LNPK: variants seen among roughly 807,000 people sequenced by gnomAD.
LNPK encodes endoplasmic reticulum junction formation protein lunapark.
Under a neutral mutation model 55.2 loss-of-function variants are expected in LNPK, and 29 were observed. The observed-to-expected ratio is 0.53, with a 90% CI of 0.39 to 0.72. The LOEUF (loss-of-function observed/expected upper bound fraction) is 0.72. Among genes scored for constraint, LNPK ranks in the 30% least tolerant of loss-of-function variants. LNPK has a pLI of 0.00. For missense variants in LNPK, 467 were observed against 494.8 expected, an observed-to-expected ratio of 0.94 and a Z score of 0.53; for synonymous variants, 162 against 168.2, an observed-to-expected ratio of 0.96 and a Z score of 0.29.
chr2:175,971,081 G>A (rs1686641589), intron 5 of LNPK, among the ~76,000 whole-genome samples: 1 of 151,958 alleles, frequency 6.6e-6, no homozygotes, highest in Admixed American at 6.6e-5. Flanking sequence ...TTTTTAATGT[G>A]TTCAGAAACA....
At chr2:175,990,699 T>C (rs1216958959) in intron 4 of LNPK, among the ~76,000 whole-genome samples, 3 of 152,196 alleles carry the variant, frequency 2.0e-5, no homozygotes, top group African/African-American at 4.8e-5. Flanking sequence ...TTGATTGTCA[T>C]TGATCAGAAG....
chr2:175,986,644 T>C (rs565718005), intron 4 of LNPK, among the ~76,000 whole-genome samples: 76 of 152,230 alleles, frequency 5.0e-4, no homozygotes, highest in Non-Finnish European at 8.8e-4. Context: ...AATGATTCAA[T>C]ATTTAATATA....
intron 12 of LNPK, 122 bp downstream of exon 12, chr2:175,937,222 G>C (rs1298297301): frequency 1.1e-6 from 1 of 895,274 alleles, no homozygotes; most frequent in Non-Finnish European, 1.7e-6. Flanking sequence ...CAGAGCCGTA[G>C]TTGACATATG....
intron 11 of LNPK, 42 bp downstream of exon 11, chr2:175,938,271 T>C: frequency 8.3e-7 from 1 of 1,205,570 alleles, no homozygotes; most frequent in South Asian, 1.3e-5. Flanking sequence ...ATAAAATATT[T>C]AAGCATAAAA....
intron 4 of LNPK, among the ~76,000 whole-genome samples, chr2:175,981,770 CTG>C (rs1434599477): frequency 1.3e-5 from 2 of 152,136 alleles, no homozygotes; most frequent in Non-Finnish European, 2.9e-5. Flanking sequence ...CTTGAGATGA[CTG>C]TGGCCCCTAC....
intron 4 of LNPK, among the ~76,000 whole-genome samples, chr2:175,990,629 G>A (rs1687660623): frequency 6.6e-6 from 1 of 152,122 alleles, no homozygotes; most frequent in Non-Finnish European, 1.5e-5. Flanking sequence ...AATGTCCTGT[G>A]TTAAGTCTTC....
In LNPK at chr2:175,995,572, A is replaced by G. The variant is rs376647514; in HGVS notation, c.13T>C (p.Phe5Leu). The G allele has an allele frequency of 6.2e-7, 1 of 1,610,976 alleles. No individual in the cohort carries two copies. MGGLFSRWRTKPSTV... is the reference protein window; with the variant it reads MGGLLSRWRTKPSTV... ...AAGTACCTTACCCTCCATCGAGAAA[A>G]TAATCCACCCATCTTTTATTTGTAG... The change falls in exon 2 of 13, where the codon TTT (phenylalanine) becomes CTT (leucine). Residue 5 changes from phenylalanine (F) to leucine (L), a missense_variant. Coordinates refer to ENST00000272748, the MANE Select transcript of LNPK (RefSeq NM_030650.3).
At chr2:175,971,154 T>G (rs922873599) in intron 5 of LNPK, among the ~76,000 whole-genome samples, 2 of 152,158 alleles carry the variant, frequency 1.3e-5, no homozygotes, top group African/African-American at 4.8e-5. Context: ...AAAATTAGTA[T>G]CAAATCTCTT....
At chr2:175,933,718 A>G (rs994331370) in intron 12 of LNPK, among the ~76,000 whole-genome samples, 2 of 146,932 alleles carry the variant, frequency 1.4e-5, no homozygotes, top group African/African-American at 5.0e-5. Context: ...CAAATCAATT[A>G]GACAAGTTAA....
chr2:175,937,483 G>A lies in LNPK; in HGVS notation c.915C>T (p.Asn305=). ...AFRCAYCFFL[N]PARKTRPQAP... ...CCTGAGGTCTGGTTTTTCTTGCAGGGTTCAAGAAAAAACAGTAGGCACATC... is the reference window on the plus strand; with the variant it reads ...CCTGAGGTCTGGTTTTTCTTGCAGGATTCAAGAAAAAACAGTAGGCACATC... Residue 305 remains asparagine (N), a synonymous_variant, in exon 12 of 13, where the codon AAC becomes AAT. Coordinates refer to ENST00000272748, the MANE Select transcript of LNPK (RefSeq NM_030650.3). The A allele has an allele frequency of 6.2e-7, 1 of 1,612,468 alleles. No individual in the cohort carries two copies. Among genetic ancestry groups the A allele is most frequent in the Non-Finnish European group, 8.5e-7 (1 of 1,179,266 alleles).
chr2:175,931,875 G>A (rs1684295394), intron 12 of LNPK, among the ~76,000 whole-genome samples: 1 of 152,144 alleles, frequency 6.6e-6, no homozygotes, highest in South Asian at 2.1e-4. Flanking sequence ...GAAAACTTCA[G>A]GAGTCACCAA....
In LNPK at chr2:175,941,184, G is replaced by A. The variant is rs1684821563; in HGVS notation, c.707-1527C>T. The A allele has an allele frequency of 9.7e-6, 3 of 310,096 alleles. No individual in the cohort carries two copies. The Admixed American group carries it at 1.4e-4, about 14-fold the overall frequency. The allele number at this position is 310,096 out of a possible 1,614,324, so 19.2% of individuals were successfully genotyped here. A position where few individuals can be genotyped will look rare whatever the true frequency, so the allele number is the denominator to read the frequency against. ...AAGGACTGCTTGAACCCACGAGGTG[G>A]AGGCTGCAGTGAGCCATGATCGTAC... On this transcript the variant is annotated intron_variant, in intron 9 of 12. Transcript: ENST00000272748.
intron 8 of LNPK, among the ~76,000 whole-genome samples, chr2:175,963,365 C>A (rs1319609859): frequency 6.6e-6 from 1 of 152,116 alleles, no homozygotes; most frequent in Non-Finnish European, 1.5e-5. Context: ...CCATGGAATA[C>A]TATGCAGCCA....
intron 9 of LNPK, among the ~76,000 whole-genome samples, chr2:175,940,019 A>G (rs1684746503): frequency 6.6e-6 from 1 of 152,210 alleles, no homozygotes; most frequent in African/African-American, 2.4e-5. Flanking sequence ...ACTTCAGGCC[A>G]TAATAGAGCA....
intron 8 of LNPK, among the ~76,000 whole-genome samples, chr2:175,949,286 T>C (rs1469192390): frequency 6.6e-6 from 1 of 152,130 alleles, no homozygotes; most frequent in African/African-American, 2.4e-5. Flanking sequence ...GCAAATTAGC[T>C]GCTAACTTTA....
chr2:175,996,093 G>A (rs1049181628), intron 1 of LNPK, among the ~76,000 whole-genome samples: 3 of 152,036 alleles, frequency 2.0e-5, no homozygotes, highest in Admixed American at 6.6e-5. Flanking sequence ...GATTATAGGC[G>A]TGAGCCATCG....
chr2:175,931,650 C>T (rs534769510), intron 12 of LNPK, among the ~76,000 whole-genome samples: 3 of 152,234 alleles, frequency 2.0e-5, no homozygotes, highest in African/African-American at 7.2e-5. Flanking sequence ...TGTGCCAAAT[C>T]TCATTTTTAA....
chr2:175,984,095 A>T (rs1234991065), intron 4 of LNPK, among the ~76,000 whole-genome samples: 1 of 152,156 alleles, frequency 6.6e-6, no homozygotes, highest in Non-Finnish European at 1.5e-5. Flanking sequence ...TTGCTCTGCA[A>T]AAGACCCTGT....
In LNPK at chr2:175,968,624, TATAATA is replaced by T. The variant is rs568711114; in HGVS notation, c.357+2134_357+2139del. 3.4e-3 allele frequency among the ~76,000 whole-genome samples: 521 copies of T among 152,332 alleles called. 15 individuals carry two copies. In the South Asian group the frequency reaches 0.072, roughly 21 times the overall value. Reference sequence around the variant, plus strand: ...ATAACTAAAGATTACTTCCTAACTTTATAATAATAATACTTACATTAAGCTCTTAAA... The same window carrying T: ...ATAACTAAAGATTACTTCCTAACTTTATAATACTTACATTAAGCTCTTAAA... On this transcript the variant is annotated intron_variant, in intron 6 of 12. Coordinates refer to ENST00000272748, the MANE Select transcript of LNPK (RefSeq NM_030650.3).
Sources: gnomAD v4.1 joint callset for allele counts (sites outside exome capture counted in the v4.1 genomes callset) on GRCh38, gnomAD v4.1.1 for gene constraint, MANE v1.5 for transcripts, NCBI Gene and HGNC (gene_info 2026-07-23, HGNC 2026-07-21) for gene names.